Variants in ATRNL1 observed in about 807,000 individuals in gnomAD.
ATRNL1 encodes the protein attractin-like protein 1.
Under a neutral mutation model 182.7 loss-of-function variants are expected in ATRNL1, and 95 were observed. The ratio of observed to expected loss-of-function variants is 0.52; its 90% CI spans 0.44 to 0.62. The LOEUF (loss-of-function observed/expected upper bound fraction) is 0.62. Among genes scored for constraint, ATRNL1 ranks in the 20% least tolerant of loss-of-function variants. The pLI is 0.00. For missense variants in ATRNL1, 1,471 were observed against 1,679.5 expected, an observed-to-expected ratio of 0.88 and a Z score of 2.17; for synonymous variants, 576 against 568.3, an observed-to-expected ratio of 1.01 and a Z score of -0.19.
chr10:115,402,704 A>G lies in ATRNL1; in HGVS notation c.3269+7952A>G, dbSNP rs1333908876. 2.0e-5 allele frequency among the ~76,000 whole-genome samples: 3 copies of G among 152,180 alleles called. No homozygotes were observed. In the East Asian group the frequency reaches 5.8e-4, roughly 29 times the overall value. ...GGAATTAAAAATACCATTTCCTAAG[A>G]TATATGGCAATATTACTAATCAGGA... On this transcript the variant is annotated intron_variant, in intron 20 of 28. Coordinates refer to ENST00000355044, the MANE Select transcript of ATRNL1 (RefSeq NM_207303.4).
At chr10:115,749,840 T>C (rs1190041991) in intron 27 of ATRNL1, among the ~76,000 whole-genome samples, 3 of 151,924 alleles carry the variant, frequency 2.0e-5, no homozygotes, top group African/African-American at 7.2e-5. Flanking sequence ...TACTTTTAGC[T>C]TGTGTGACCT....
At chr10:115,570,888 C>T (rs731928) in intron 26 of ATRNL1, among the ~76,000 whole-genome samples, 2,966 of 152,242 alleles carry the variant, frequency 0.019, 66 homozygotes, top group East Asian at 0.12. Flanking sequence ...TAGGACTCCA[C>T]GTGAGCTCTC....
At chr10:115,220,094 A>T (rs1383325230) in intron 9 of ATRNL1, among the ~76,000 whole-genome samples, 1 of 152,176 alleles carries the variant, frequency 6.6e-6, no homozygotes, top group Non-Finnish European at 1.5e-5. Flanking sequence ...CTGCTATTTC[A>T]TCAATTCCTC....
At chr10:115,354,900 A>T (rs572341670) in intron 19 of ATRNL1, among the ~76,000 whole-genome samples, 15 of 151,918 alleles carry the variant, frequency 9.9e-5, no homozygotes, top group Admixed American at 8.5e-4. Context: ...ATCTATTTTC[A>T]TATAGTATGT....
At chr10:115,790,107 A>G (rs1205557902) in intron 27 of ATRNL1, among the ~76,000 whole-genome samples, 1 of 152,204 alleles carries the variant, frequency 6.6e-6, no homozygotes, top group African/African-American at 2.4e-5. Flanking sequence ...TTTCTTGTAC[A>G]TTTGTGTATT....
At chr10:115,678,611 A>C (rs1555043768) in intron 26 of ATRNL1, among the ~76,000 whole-genome samples, 1 of 152,120 alleles carries the variant, frequency 6.6e-6, no homozygotes, top group African/African-American at 2.4e-5. Context: ...AAATAGCATG[A>C]TAATAAGTAT....
At chr10:115,831,931 A>C (rs1174359811) in intron 27 of ATRNL1, among the ~76,000 whole-genome samples, 1 of 152,214 alleles carries the variant, frequency 6.6e-6, no homozygotes, top group Non-Finnish European at 1.5e-5. Flanking sequence ...ACCAAGAAAA[A>C]GAGTATAATT....
intron 28 of ATRNL1, among the ~76,000 whole-genome samples, chr10:115,852,066 T>G (rs1555100671): frequency 6.6e-6 from 1 of 152,194 alleles, no homozygotes; most frequent in Non-Finnish European, 1.5e-5. Context: ...GATGGAAGAT[T>G]ATGGATTTCA....
intron 19 of ATRNL1, among the ~76,000 whole-genome samples, chr10:115,393,867 G>A (rs1844156502): frequency 6.6e-6 from 1 of 151,974 alleles, no homozygotes; most frequent in South Asian, 2.1e-4. Context: ...CTTTAAGAAA[G>A]GATTGCAAAG....
chr10:115,117,225 T>G (rs139633677), intron 1 of ATRNL1, among the ~76,000 whole-genome samples: 3 of 152,184 alleles, frequency 2.0e-5, no homozygotes, highest in Admixed American at 1.3e-4. Flanking sequence ...CTCTCAGTTA[T>G]TTTAAAATGG....
chr10:115,167,406 T>A (rs1205691154), intron 7 of ATRNL1, among the ~76,000 whole-genome samples: 2 of 152,070 alleles, frequency 1.3e-5, no homozygotes, highest in African/African-American at 4.8e-5. Context: ...TCTATATGAA[T>A]TTTAGGATTA....
intron 26 of ATRNL1, among the ~76,000 whole-genome samples, chr10:115,583,925 A>T (rs1555008783): frequency 6.6e-6 from 1 of 151,958 alleles, no homozygotes; most frequent in Admixed American, 6.6e-5. Context: ...GATACGTCCC[A>T]TCAATACCTA....
chr10:115,387,140 G>T (rs535069060), intron 19 of ATRNL1, among the ~76,000 whole-genome samples: 1 of 152,150 alleles, frequency 6.6e-6, no homozygotes, highest in African/African-American at 2.4e-5. Context: ...GGACATGGAT[G>T]AAATTGGAAA....
chr10:115,547,550 CT>C (rs1852739053), intron 25 of ATRNL1, among the ~76,000 whole-genome samples: 1 of 151,930 alleles, frequency 6.6e-6, no homozygotes, highest in Non-Finnish European at 1.5e-5. Context: ...AATAACTGAG[CT>C]TTCTCTTTGG....
intron 27 of ATRNL1, among the ~76,000 whole-genome samples, chr10:115,797,880 C>T (rs1168833210): frequency 6.6e-6 from 1 of 152,140 alleles, no homozygotes; most frequent in Non-Finnish European, 1.5e-5. Context: ...GTCAATGTTG[C>T]AAATACTTCA....
chr10:115,635,212 G>A (rs1336438953), intron 26 of ATRNL1, among the ~76,000 whole-genome samples: 4 of 151,790 alleles, frequency 2.6e-5, no homozygotes, highest in African/African-American at 9.7e-5. Context: ...ACAAGCAATG[G>A]AGTGAGAGAA....
chr10:115,159,390 G>A (rs1294722805), intron 5 of ATRNL1, among the ~76,000 whole-genome samples: 8 of 151,354 alleles, frequency 5.3e-5, no homozygotes, highest in African/African-American at 1.9e-4. Flanking sequence ...GAAAGGAAAA[G>A]GCTGTGTTTT....
intron 26 of ATRNL1, among the ~76,000 whole-genome samples, chr10:115,664,669 A>T (rs1248219410): frequency 6.6e-6 from 1 of 152,184 alleles, no homozygotes. Flanking sequence ...GAAAATTATC[A>T]TATAAATAAT....
At chr10:115,309,497 G>A (rs1853909254) in intron 17 of ATRNL1, among the ~76,000 whole-genome samples, 2 of 151,988 alleles carry the variant, frequency 1.3e-5, no homozygotes. Flanking sequence ...TACCTGCTTG[G>A]TTAAGTATAT....
Sources: gnomAD v4.1 joint callset for allele counts (sites outside exome capture counted in the v4.1 genomes callset) on GRCh38, gnomAD v4.1.1 for gene constraint, MANE v1.5 for transcripts, NCBI Gene and HGNC (gene_info 2026-07-23, HGNC 2026-07-21) for gene names.